DGKB: variants seen among roughly 807,000 people sequenced by gnomAD.
The protein encoded by DGKB is 90 kDa diacylglycerol kinase.
Under a neutral mutation model 114.3 loss-of-function variants are expected in DGKB, and 67 were observed. The observed-to-expected ratio is 0.59, with a 90% confidence interval of 0.48 to 0.72. The LOEUF is 0.72. Ranked by LOEUF, DGKB falls within the 30% of genes least tolerant of loss-of-function variation. The probability of loss-of-function intolerance (pLI) is 0.00; values close to 1 mark genes in which losing one functional copy is unlikely to be tolerated. For missense variants in DGKB, 907 were observed against 975.2 expected (o/e 0.93, Z 0.93); for synonymous variants, 398 against 323.1 (o/e 1.23, Z -2.49).
intron 23 of DGKB, among the ~76,000 whole-genome samples, chr7:14,290,889 T>C (rs1375715712): frequency 6.6e-6 from 1 of 152,042 alleles, no homozygotes; most frequent in East Asian, 1.9e-4. Flanking sequence ...ACGCCTGTAG[T>C]CCCAGCACTT....
intron 25 of DGKB, among the ~76,000 whole-genome samples, chr7:14,167,072 G>A (rs772505195): frequency 5.3e-5 from 8 of 151,958 alleles, no homozygotes; most frequent in Middle Eastern, 3.2e-3. Context: ...TTACCTGAGC[G>A]TAGTAGTGTG....
At chr7:14,868,773 G>A (rs1329125778) in intron 1 of DGKB, among the ~76,000 whole-genome samples, 2 of 152,100 alleles carry the variant, frequency 1.3e-5, no homozygotes, top group African/African-American at 2.4e-5. Flanking sequence ...TAACTATAAT[G>A]TGGGAAAATG....
chr7:14,810,789 G>T (rs892868147), intron 2 of DGKB, among the ~76,000 whole-genome samples: 5 of 151,980 alleles, frequency 3.3e-5, no homozygotes, highest in African/African-American at 1.2e-4. Context: ...TTGTATTTTT[G>T]GTAGAGATGC....
intron 1 of DGKB, among the ~76,000 whole-genome samples, chr7:14,895,479 A>G (rs1406034484): frequency 2.0e-5 from 3 of 151,586 alleles, no homozygotes; most frequent in African/African-American, 7.2e-5. Context: ...CTATTATGCA[A>G]ATAGGATCTT....
At chr7:14,962,334 C>A (rs746396432) in intron 1 of DGKB, among the ~76,000 whole-genome samples, 2 of 152,028 alleles carry the variant, frequency 1.3e-5, no homozygotes, top group Non-Finnish European at 2.9e-5. Flanking sequence ...TAAAAGATAT[C>A]CGACCTTTCC....
intron 14 of DGKB, among the ~76,000 whole-genome samples, chr7:14,628,030 T>C (rs1808957864): frequency 6.6e-6 from 1 of 151,866 alleles, no homozygotes; most frequent in South Asian, 2.1e-4. Flanking sequence ...TTGTAAACCA[T>C]ACTGACTGTC....
rs368088246 is a variant in DGKB, at chr7:14,159,183, C to T, written c.2305-9945G>A. ...TCTGCTCCCACTGGACCGTATGCCT[C>T]ACCCCACGCTGCCTCTCTTCTTTCA... On this transcript the variant is annotated intron_variant, in intron 25 of 25. Transcript: ENST00000402815. Among the ~76,000 whole-genome samples the T allele has an allele frequency of 1.1e-3, 171 of 152,244 alleles. 2 individuals are homozygous for T. The South Asian group carries it at 0.02, about 18-fold the overall frequency.
chr7:14,563,150 T>A (rs1049996626), intron 20 of DGKB, among the ~76,000 whole-genome samples: 4 of 152,148 alleles, frequency 2.6e-5, no homozygotes, highest in Admixed American at 1.3e-4. Context: ...CACGCCTTTG[T>A]TCCTCTTCTG....
chr7:14,871,227 C>T (rs879263429), intron 1 of DGKB, among the ~76,000 whole-genome samples: 1 of 152,072 alleles, frequency 6.6e-6, no homozygotes. Context: ...TATCCATCAC[C>T]GCATATATGT....
intron 21 of DGKB, among the ~76,000 whole-genome samples, chr7:14,476,277 T>TGTA (rs142311284): frequency 0.018 from 2,740 of 152,194 alleles, 67 homozygotes; most frequent in African/African-American, 0.059. Flanking sequence ...ATATTTGAGG[T>TGTA]GTATAATCAA....
At chr7:14,378,962 A>T in intron 21 of DGKB, among the ~76,000 whole-genome samples, 1 of 152,092 alleles carries the variant, frequency 6.6e-6, no homozygotes, top group East Asian at 1.9e-4. Flanking sequence ...ACTGATTTGG[A>T]TGGATAGGAG....
chr7:14,442,853 A>T (rs1583975332), intron 21 of DGKB, among the ~76,000 whole-genome samples: 1 of 152,056 alleles, frequency 6.6e-6, no homozygotes, highest in Admixed American at 6.6e-5. Flanking sequence ...ACTCTATGCC[A>T]TATGATTTTT....
At chr7:14,653,668 A>C (rs1815135530) in intron 13 of DGKB, among the ~76,000 whole-genome samples, 1 of 150,326 alleles carries the variant, frequency 6.7e-6, no homozygotes, top group Admixed American at 6.6e-5. Flanking sequence ...AAAAAAAAAA[A>C]GATAATTCAC....
intron 20 of DGKB, among the ~76,000 whole-genome samples, chr7:14,479,275 T>C (rs1454596179): frequency 2.6e-5 from 4 of 152,082 alleles, no homozygotes; most frequent in East Asian, 3.8e-4. Context: ...AAAAGTCTAA[T>C]GAATGAAATG....
intron 23 of DGKB, among the ~76,000 whole-genome samples, chr7:14,309,940 T>C (rs1401785341): frequency 6.6e-6 from 1 of 152,150 alleles, no homozygotes; most frequent in African/African-American, 2.4e-5. Flanking sequence ...AGCTAATGGA[T>C]ATGGAAGCAC....
chr7:14,874,649 A>G (rs1302996098), intron 1 of DGKB, among the ~76,000 whole-genome samples: 3 of 152,088 alleles, frequency 2.0e-5, no homozygotes, highest in African/African-American at 4.8e-5. Flanking sequence ...TCTGTATGGA[A>G]AAACAATAAT....
intron 2 of DGKB, among the ~76,000 whole-genome samples, chr7:14,775,312 G>C (rs987503286): frequency 2.0e-5 from 3 of 151,872 alleles, no homozygotes; most frequent in African/African-American, 7.2e-5. Flanking sequence ...CTTATTTTGA[G>C]CATTTAAATA....
chr7:14,324,355 G>A (rs1269893272), intron 23 of DGKB, among the ~76,000 whole-genome samples: 1 of 150,680 alleles, frequency 6.6e-6, no homozygotes, highest in Non-Finnish European at 1.5e-5. Context: ...GCTGAGGCAG[G>A]AGAATTGCTT....
At chr7:14,303,068 A>C (rs1452583523) in intron 23 of DGKB, among the ~76,000 whole-genome samples, 1 of 152,154 alleles carries the variant, frequency 6.6e-6, no homozygotes, top group East Asian at 1.9e-4. Flanking sequence ...TTTAGCCCAG[A>C]TATGTAGAAT....
Sources: gnomAD v4.1 joint callset for allele counts (sites outside exome capture counted in the v4.1 genomes callset) on GRCh38, gnomAD v4.1.1 for gene constraint, MANE v1.5 for transcripts, NCBI Gene and HGNC (gene_info 2026-07-23, HGNC 2026-07-21) for gene names.